TAFA5: variants seen among roughly 807,000 people sequenced by gnomAD.
TAFA5 encodes the protein chemokine-like protein TAFA-5.
Under a neutral mutation model 15.3 loss-of-function variants are expected in TAFA5, and 6 were observed. The ratio of observed to expected loss-of-function variants is 0.39; its 90% CI spans 0.21 to 0.77. The LOEUF (loss-of-function observed/expected upper bound fraction) is 0.77. TAFA5 is among the 30% of genes least tolerant of loss of function. The pLI is 0.41. For synonymous variants in TAFA5, 103 were observed against 80.7 expected (o/e 1.28, Z -1.48); for missense variants, 161 against 193.1 (o/e 0.83, Z 0.98).
intron 3 of TAFA5, among the ~76,000 whole-genome samples, chr22:48,735,692 T>G (rs910371585): frequency 6.6e-6 from 1 of 152,126 alleles, no homozygotes; most frequent in African/African-American, 2.4e-5. Flanking sequence ...CTGAAAATGA[T>G]GGAGTTACCA....
At chr22:48,741,135 A>G (rs1165868203) in intron 3 of TAFA5, among the ~76,000 whole-genome samples, 2 of 152,110 alleles carry the variant, frequency 1.3e-5, no homozygotes, top group Non-Finnish European at 2.9e-5. Context: ...ACAGATGGAG[A>G]AAATGAGGCT....
intron 1 of TAFA5, among the ~76,000 whole-genome samples, chr22:48,634,905 C>T (rs1926391759): frequency 6.6e-6 from 1 of 152,232 alleles, no homozygotes; most frequent in Non-Finnish European, 1.5e-5. Context: ...CATGGGGCAT[C>T]TGGGAGGAGC....
rs925424512 is a variant in TAFA5 at position 48,560,573 on chromosome 22, A to G, written c.112+70869A>G. ...GCCATGAAAAACGTTGTATTTTATT[A>G]TTATTATTATTATTATTATATTATT... On this transcript the variant is annotated intron_variant, in intron 1 of 3. Coordinates refer to ENST00000402357, the MANE Select transcript of TAFA5 (RefSeq NM_001082967.3). The surrounding 1 kb of genome is among the most constrained non-coding windows in gnomAD (Gnocchi z 4.2). Among the ~76,000 whole-genome samples the G allele has an allele frequency of 8.4e-6, 1 of 119,644 alleles. No homozygotes were observed. The highest frequency in any genetic ancestry group is 1.8e-5 in the Non-Finnish European group (1 of 56,782). The allele number at this position is 119,644 out of a possible 152,430, so 78.5% of individuals were successfully genotyped here.
chr22:48,571,271 C>CTTTTTTTTTTTTTTTTTTTTTTT (rs869050468), intron 1 of TAFA5, among the ~76,000 whole-genome samples: 9 of 97,662 alleles, frequency 9.2e-5, no homozygotes, highest in Non-Finnish European at 1.8e-4. Flanking sequence ...TTGTTGTTTG[C>CTTTTTTTTTTTTTTTTTTTTTTT]TTTTTTTTTT....
chr22:48,508,349 C>T (rs62223612), intron 1 of TAFA5, among the ~76,000 whole-genome samples: 1 of 152,206 alleles, frequency 6.6e-6, no homozygotes, highest in Non-Finnish European at 1.5e-5. Context: ...CCAGAGCTGG[C>T]CAATGTGGCT....
rs2147163500 is a variant in TAFA5, at chr22:48,598,643, A to G, written c.113-47954A>G. On this transcript the variant is annotated intron_variant, in intron 1 of 3. Transcript: ENST00000402357. The surrounding 1 kb of genome is among the most constrained non-coding windows in gnomAD (Gnocchi z 4.0). ...ACCAAATGTGTCAGTTTTTCACACC[A>G]ACAAGTTCTCCAACTTTCCAGACAC... 6.6e-6 allele frequency among the ~76,000 whole-genome samples: 1 copy of G among 152,292 alleles called. No homozygotes were observed. Among genetic ancestry groups the G allele is most frequent in the East Asian group, 1.9e-4 (1 of 5,174 alleles).
intron 1 of TAFA5, among the ~76,000 whole-genome samples, chr22:48,632,803 A>G (rs77552406): frequency 0.041 from 6,300 of 152,248 alleles, 215 homozygotes; most frequent in East Asian, 0.1. Flanking sequence ...GAGAGAATTG[A>G]AGGCTCCAGG....
chr22:48,604,623 T>G (rs1437320269), intron 1 of TAFA5, among the ~76,000 whole-genome samples: 1 of 152,186 alleles, frequency 6.6e-6, no homozygotes, highest in African/African-American at 2.4e-5. Flanking sequence ...TTTCGAAATT[T>G]CTCCCATGGA....
At chr22:48,497,447 A>C (rs1928370973) in intron 1 of TAFA5, among the ~76,000 whole-genome samples, 1 of 150,970 alleles carries the variant, frequency 6.6e-6, no homozygotes, top group South Asian at 2.1e-4. Context: ...GAAAGACAAG[A>C]CTGGAGTGTC....
In TAFA5 at chr22:48,712,866, G is replaced by A. The variant is rs977504389; in HGVS notation, c.390+5022G>A. On this transcript the variant is annotated intron_variant, in intron 3 of 3. Coordinates refer to ENST00000402357, the MANE Select transcript of TAFA5 (RefSeq NM_001082967.3). ...TGGGCTCTCAGAGCTGGAGGAGGAG[G>A]GACAGGCAGGGCTGGTGGGGCCGAG... Among the ~76,000 whole-genome samples the A allele has an allele frequency of 1.3e-4, 20 of 152,356 alleles. 1 individual carries two copies. The highest frequency in any genetic ancestry group is 1.0e-3 in the Admixed American group (16 of 15,308).
rs529662020 is a variant in TAFA5 at position 48,550,161 on chromosome 22, G to A, written c.112+60457G>A. 1.1e-4 allele frequency among the ~76,000 whole-genome samples: 17 copies of A among 152,324 alleles called. No homozygotes were observed. Among genetic ancestry groups the A allele is most frequent in the East Asian group, 9.7e-4 (5 of 5,170 alleles). On this transcript the variant is annotated intron_variant, in intron 1 of 3. Coordinates refer to ENST00000402357, the MANE Select transcript of TAFA5 (RefSeq NM_001082967.3). This position sits in a 1 kb window ranked among gnomAD's most constrained non-coding sequence, Gnocchi z 4.1. ...TGTAGCAGCCTGTGTGTGTCCACCC[G>A]AGGTGGCCCTGCCCTGTTTCCACAC... is the stretch of plus-strand genomic sequence containing the variant.
chr22:48,577,062 G>A (rs1923838333), intron 1 of TAFA5, among the ~76,000 whole-genome samples: 1 of 152,208 alleles, frequency 6.6e-6, no homozygotes, highest in Non-Finnish European at 1.5e-5. Context: ...GTTCCCCAGG[G>A]CCCAAGCCGC....
At chr22:48,695,663 C>T (rs1193113979) in intron 2 of TAFA5, among the ~76,000 whole-genome samples, 1 of 152,160 alleles carries the variant, frequency 6.6e-6, no homozygotes, top group Non-Finnish European at 1.5e-5. Flanking sequence ...GGCTTCTCTT[C>T]ATGGGTTTCA....
rs560232824 is a variant in TAFA5 at position 48,505,205 on chromosome 22, C to T, written c.112+15501C>T. 1.2e-4 allele frequency among the ~76,000 whole-genome samples: 18 copies of T among 152,210 alleles called. No individual in the cohort carries two copies. The East Asian group carries it at 1.4e-3, about 11-fold the overall frequency. On this transcript the variant is annotated intron_variant, in intron 1 of 3. Coordinates refer to ENST00000402357, the MANE Select transcript of TAFA5 (RefSeq NM_001082967.3). ...GTCTGCTCTTCACATGAAACTCTCACGACTCCATCTCCGTGACAAGTCACA... is the reference window on the plus strand; with the variant it reads ...GTCTGCTCTTCACATGAAACTCTCATGACTCCATCTCCGTGACAAGTCACA...
chr22:48,612,380 G>A (rs1432605810), intron 1 of TAFA5, among the ~76,000 whole-genome samples: 1 of 152,190 alleles, frequency 6.6e-6, no homozygotes. Flanking sequence ...TTGGGAGACT[G>A]CAAAGGGGTT....
intron 2 of TAFA5, among the ~76,000 whole-genome samples, chr22:48,668,914 G>A (rs1927713052): frequency 6.6e-6 from 1 of 152,326 alleles, no homozygotes; most frequent in East Asian, 1.9e-4. Flanking sequence ...GGACCAAGCT[G>A]TCTGAACGGG....
At chr22:48,701,769 A>G (rs1928913768) in intron 2 of TAFA5, among the ~76,000 whole-genome samples, 1 of 152,172 alleles carries the variant, frequency 6.6e-6, no homozygotes. Flanking sequence ...GGAGACTTCA[A>G]GGAGAGCCCG....
At chr22:48,678,558 G>A (rs997659360) in intron 2 of TAFA5, among the ~76,000 whole-genome samples, 3 of 142,084 alleles carry the variant, frequency 2.1e-5, no homozygotes, top group Admixed American at 1.4e-4. Flanking sequence ...GGAAGAGGTC[G>A]GGGAGCCGCG....
intron 1 of TAFA5, among the ~76,000 whole-genome samples, chr22:48,534,246 A>C (rs4378908): frequency 0.63 from 94,643 of 150,034 alleles, 30,592 homozygotes; most frequent in African/African-American, 0.76. Context: ...CAGGCAGGTG[A>C]AATGAGTAAG....
Sources: allele counts gnomAD v4.1 joint callset (sites outside exome capture counted in the v4.1 genomes callset), GRCh38; gene constraint gnomAD v4.1.1; non-coding constraint Gnocchi (gnomAD v3.1); transcripts MANE v1.5; gene names NCBI Gene and HGNC (gene_info 2026-07-23, HGNC 2026-07-21).